Variants in SCN11A observed in about 807,000 individuals in gnomAD.
SCN11A encodes the protein sodium voltage-gated channel alpha subunit 11.
In SCN11A, 122 loss-of-function variants were observed where a neutral mutation model predicts 162.2. The ratio of observed to expected loss-of-function variants is 0.75; its 90% confidence interval spans 0.65 to 0.87. The LOEUF is 0.87. SCN11A is among the 40% of genes least tolerant of loss of function. The pLI, the probability that SCN11A is intolerant of heterozygous loss-of-function variation, is 0.00. For synonymous variants in SCN11A, 758 were observed against 751.5 expected, an observed-to-expected ratio of 1.01 and a Z score of -0.14; for missense variants, 2,015 against 2,181.6, an observed-to-expected ratio of 0.92 and a Z score of 1.52.
chr3:39,026,928 T>C (rs541506890), intron 2 of SCN11A, among the ~76,000 whole-genome samples: 3 of 152,312 alleles, frequency 2.0e-5, no homozygotes, highest in African/African-American at 7.2e-5. Context: ...CTTCAGGGCT[T>C]AGAAGAGCCT....
intron 2 of SCN11A, among the ~76,000 whole-genome samples, chr3:38,994,225 T>G (rs1277739098): frequency 6.6e-6 from 1 of 152,236 alleles, no homozygotes; most frequent in African/African-American, 2.4e-5. Flanking sequence ...TTTTTCTTAA[T>G]GCTAATTATA....
intron 24 of SCN11A, 27 bp from the exon 25 acceptor site, chr3:38,871,735 C>T: frequency 5.8e-6 from 9 of 1,558,346 alleles, no homozygotes; most frequent in Non-Finnish European, 7.8e-6. Flanking sequence ...CAAAGAAAAC[C>T]ATAACAGATG....
rs1388718478 is a variant in SCN11A at position 38,847,161 on chromosome 3, C to T, written c.4909G>A (p.Ala1637Thr). ...YEVWEKFDPE[A>T]TQFIKYSALS... is the part of the protein sequence containing the mutation. ...GCAGAATATTTGATAAATTGTGTTG[C>T]TTCTGGGTCAAACTTTTCCCACACT... Residue 1637 changes from alanine to threonine, a missense_variant, in exon 30 of 30, where the codon GCA becomes ACA. By Grantham distance (58) the Ala-to-Thr change is moderately conservative (BLOSUM62 0). Coordinates refer to ENST00000302328, the MANE Select transcript of SCN11A (RefSeq NM_001349253.2). 4.3e-6 allele frequency: 7 copies of T among 1,614,094 alleles called. No homozygotes were observed. The Admixed American group carries it at 5.0e-5, about 12-fold the overall frequency.
chr3:38,850,533 G>A lies in SCN11A; in HGVS notation c.4275C>T (p.Phe1425=), dbSNP rs377362813. The change falls in exon 29 of 30, where the codon TTC becomes TTT. Residue 1425 remains phenylalanine (F), a synonymous_variant. Coordinates refer to ENST00000302328, the MANE Select transcript of SCN11A (RefSeq NM_001349253.2). ...AGTCAAATAAATTCCAGCCATTGGT[G>A]AAGTAGTATTGCCTCAAAGCAAAGA... ...IKIFALRQYY[F]TNGWNLFDCV... is the part of the protein sequence containing the mutation. The A allele has an allele frequency of 6.2e-7, 1 of 1,613,874 alleles. No individual in the cohort carries two copies. The highest frequency in any genetic ancestry group is 8.5e-7 in the Non-Finnish European group (1 of 1,179,828).
chr3:38,865,548 A>C (rs1335697292), intron 27 of SCN11A, among the ~76,000 whole-genome samples: 1 of 152,198 alleles, frequency 6.6e-6, no homozygotes, highest in Non-Finnish European at 1.5e-5. Flanking sequence ...TAGGAAAACC[A>C]AAGGAGAATA....
intron 23 of SCN11A, among the ~76,000 whole-genome samples, chr3:38,879,370 T>A (rs1208292063): frequency 6.6e-6 from 1 of 152,176 alleles, no homozygotes; most frequent in Non-Finnish European, 1.5e-5. Context: ...GACACGTGAA[T>A]CCCAATTTCA....
At position 38,867,363 on chromosome 3, in the gene SCN11A, G is replaced by GT. The variant is rs762160601; in HGVS notation, c.3908_3909insA (p.Phe1303LeufsTer7). The stretch of plus-strand genomic sequence containing the variant: ...TGAAGTTGTCAATGATAACGCCAAT[G>GT]AAGAGATTCAGAGTGAAGAATGAGC... On this transcript the variant is annotated frameshift_variant, in exon 27 of 30. Coordinates refer to ENST00000302328, the MANE Select transcript of SCN11A (RefSeq NM_001349253.2). LOFTEE classifies it high-confidence loss of function. 6 of 1,613,328 alleles carry GT rather than the reference G, an allele frequency of 3.7e-6. No individual in the cohort carries two copies. Among genetic ancestry groups the GT allele is most frequent in the African/African-American group, 2.7e-5 (2 of 74,924 alleles).
intron 28 of SCN11A, among the ~76,000 whole-genome samples, chr3:38,861,584 A>G (rs959259979): frequency 2.0e-5 from 3 of 152,132 alleles, no homozygotes; most frequent in Non-Finnish European, 2.9e-5. Context: ...CCCCCAAAAA[A>G]GCCAAATAGT....
At chr3:38,865,978 C>G (rs1160548643) in intron 27 of SCN11A, among the ~76,000 whole-genome samples, 1 of 152,170 alleles carries the variant, frequency 6.6e-6, no homozygotes, top group Non-Finnish European at 1.5e-5. Context: ...CCTAGCACAG[C>G]ATTTCTGGAA....
intron 2 of SCN11A, among the ~76,000 whole-genome samples, chr3:38,995,225 A>G (rs1342497791): frequency 6.7e-6 from 1 of 149,646 alleles, no homozygotes; most frequent in Non-Finnish European, 1.5e-5. Context: ...GGTTCACGCC[A>G]TTCTCCTGCC....
In SCN11A at chr3:38,899,979, C is replaced by T; in HGVS notation, c.1937G>A (p.Ser646Asn). 1.2e-6 allele frequency: 2 copies of T among 1,614,060 alleles called. No individual in the cohort carries two copies. Among genetic ancestry groups the T allele is most frequent in the Non-Finnish European group, 1.7e-6 (2 of 1,179,948 alleles). Residue 646 changes from serine to asparagine, a missense_variant, in exon 17 of 30, where the codon AGC becomes AAC. Ser to Asn is a conservative substitution (Grantham distance 46). Transcript: ENST00000302328. ...TGCAAAACTCAGAAGAGCAACAATGCTGTCAAAAATGTTCCAGCCTCGGCG... is the reference window on the plus strand; with the variant it reads ...TGCAAAACTCAGAAGAGCAACAATGTTGTCAAAAATGTTCCAGCCTCGGCG... The part of the protein sequence containing the change: ...YFRRGWNIFD[S>N]IVALLSFADV...
At chr3:38,953,245 T>A (rs1373325773) in intron 4 of SCN11A, among the ~76,000 whole-genome samples, 1 of 151,944 alleles carries the variant, frequency 6.6e-6, no homozygotes, top group Non-Finnish European at 1.5e-5. Context: ...CAACACACAC[T>A]GAGGCCCATG....
At chr3:38,861,546 T>C (rs932558820) in intron 28 of SCN11A, among the ~76,000 whole-genome samples, 8 of 152,056 alleles carry the variant, frequency 5.3e-5, no homozygotes, top group African/African-American at 1.7e-4. Flanking sequence ...AAAACAGGCA[T>C]GTAGACCAAT....
chr3:38,950,078 C>CCCCCCCCCCACCCCCCG lies in SCN11A; in HGVS notation c.267+17_267+18insCGGGGGGTGGGGGGGGG, dbSNP rs1553644472. On this transcript the variant is annotated intron_variant, in intron 5 of 29. Coordinates refer to ENST00000302328, the MANE Select transcript of SCN11A (RefSeq NM_001349253.2). ...GAACACCCCCACCCCCACCCCCCCC[C>CCCCCCCCCCACCCCCCG]CCCGCCCAATGAAGTACCTTATGAT... 7.1e-6 allele frequency: 1 copy of CCCCCCCCCCACCCCCCG among 139,974 alleles called. No homozygotes were observed. Among genetic ancestry groups the CCCCCCCCCCACCCCCCG allele is most frequent in the African/African-American group, 3.6e-5 (1 of 27,720 alleles). 8.7% of individuals were successfully genotyped at this position (139,974 alleles called of 1,614,324 possible).
chr3:38,984,965 T>C (rs567548925), intron 2 of SCN11A, among the ~76,000 whole-genome samples: 1 of 142,160 alleles, frequency 7.0e-6, no homozygotes, highest in East Asian at 1.9e-4. Flanking sequence ...TGAGCAAGCA[T>C]AGTAGGAGAT....
intron 23 of SCN11A, among the ~76,000 whole-genome samples, chr3:38,876,788 T>C (rs1255795254): frequency 1.3e-5 from 2 of 152,002 alleles, no homozygotes; most frequent in African/African-American, 2.4e-5. Flanking sequence ...TGGAAAACAA[T>C]GTGGAGATTC....
At chr3:38,868,032 G>A (rs1489719277) in intron 26 of SCN11A, among the ~76,000 whole-genome samples, 4 of 151,962 alleles carry the variant, frequency 2.6e-5, no homozygotes, top group African/African-American at 7.3e-5. Context: ...ATAAATGATC[G>A]AGCTCTAAAA....
intron 2 of SCN11A, among the ~76,000 whole-genome samples, chr3:39,009,032 A>C (rs2031054589): frequency 6.6e-6 from 1 of 152,126 alleles, no homozygotes; most frequent in African/African-American, 2.4e-5. Context: ...TTTCTTTTTC[A>C]ATCTCCTTCT....
At chr3:39,029,757 A>G (rs1396742698) in intron 2 of SCN11A, among the ~76,000 whole-genome samples, 1 of 152,252 alleles carries the variant, frequency 6.6e-6, no homozygotes, top group Admixed American at 6.5e-5. Flanking sequence ...CCCCTCCCAC[A>G]ATATTTACCA....
Sources: allele counts gnomAD v4.1 joint callset (sites outside exome capture counted in the v4.1 genomes callset), GRCh38; gene constraint gnomAD v4.1.1; transcripts MANE v1.5; gene names NCBI Gene and HGNC (gene_info 2026-07-23, HGNC 2026-07-21).